ZMYM4: variants seen among roughly 807,000 people sequenced by gnomAD.
ZMYM4 encodes zinc finger MYM-type protein 4.
ZMYM4 carries 31 observed loss-of-function variants against 183.2 expected under a neutral mutation model. The ratio of observed to expected loss-of-function variants is 0.17; its 90% CI spans 0.13 to 0.23. The LOEUF (loss-of-function observed/expected upper bound fraction) is 0.23, where lower values mean the gene tolerates loss of function less well. Among genes scored for constraint, ZMYM4 ranks in the 10% least tolerant of loss-of-function variants. ZMYM4 has a pLI of 1.00. For missense variants in ZMYM4, 1,273 were observed against 1,840.3 expected (o/e 0.69, Z 5.64); for synonymous variants, 592 against 631.2 (o/e 0.94, Z 0.93).
At chr1:35,302,590 T>C (rs1014709756) in intron 1 of ZMYM4, among the ~76,000 whole-genome samples, 1 of 151,836 alleles carries the variant, frequency 6.6e-6, no homozygotes, top group Non-Finnish European at 1.5e-5. Flanking sequence ...TTTCACCATG[T>C]TAGCCAGGAT....
chr1:35,403,948 T>C (rs1644957609), intron 23 of ZMYM4, among the ~76,000 whole-genome samples: 1 of 152,136 alleles, frequency 6.6e-6, no homozygotes, highest in South Asian at 2.1e-4. Flanking sequence ...AGTTGTTTAA[T>C]TTATTGGCAT....
At position 35,359,058 on chromosome 1, in the gene ZMYM4, T is replaced by C. The variant is rs1470298607; in HGVS notation, c.219T>C (p.Phe73=). Residue 73 remains phenylalanine, a synonymous_variant, in exon 3 of 30, where the codon TTT becomes TTC. Transcript: ENST00000314607. The part of the protein sequence containing the change: ...ENSLLDEDDY[F]LNSGDLAGIP... ...CATTGCTGGATGAAGATGATTATTT[T>C]TTGAACTCTGGGGATCTTGCAGGAA... 2 of 1,613,804 alleles carry C rather than the reference T, an allele frequency of 1.2e-6. No individual in the cohort carries two copies. The highest frequency in any genetic ancestry group is 1.7e-6 in the Non-Finnish European group (2 of 1,179,746).
intron 2 of ZMYM4, among the ~76,000 whole-genome samples, chr1:35,325,848 T>G (rs1237671821): frequency 2.6e-5 from 4 of 152,128 alleles, no homozygotes; most frequent in Non-Finnish European, 4.4e-5. Flanking sequence ...TCATTACCAT[T>G]CTCCAAAGAT....
chr1:35,317,939 G>A (rs1220854876), intron 1 of ZMYM4, among the ~76,000 whole-genome samples: 1 of 152,006 alleles, frequency 6.6e-6, no homozygotes, highest in Non-Finnish European at 1.5e-5. Context: ...TGTCATAGTG[G>A]AAGTAATACT....
At chr1:35,324,322 C>CTCCTGACCT (rs1170450275) in intron 1 of ZMYM4, among the ~76,000 whole-genome samples, 1 of 151,822 alleles carries the variant, frequency 6.6e-6, no homozygotes, top group East Asian at 1.9e-4. Flanking sequence ...TGGTCTTGAT[C>CTCCTGACCT]TCCTGACCTT....
At chr1:35,348,936 A>G (rs1220488016) in intron 2 of ZMYM4, among the ~76,000 whole-genome samples, 2 of 152,170 alleles carry the variant, frequency 1.3e-5, no homozygotes, top group African/African-American at 2.4e-5. Context: ...TTCTCCCTCC[A>G]TTTTAAAGAA....
intron 26 of ZMYM4, among the ~76,000 whole-genome samples, chr1:35,412,762 CTG>C (rs1440004043): frequency 3.3e-5 from 5 of 152,004 alleles, no homozygotes; most frequent in Admixed American, 2.6e-4. Context: ...GAACAACAAA[CTG>C]TAATCTGCCA....
intron 1 of ZMYM4, among the ~76,000 whole-genome samples, chr1:35,308,706 C>A (rs775706882): frequency 6.6e-6 from 1 of 152,042 alleles, no homozygotes; most frequent in African/African-American, 2.4e-5. Context: ...ACCAAAAATA[C>A]AAAAATTAGC....
Position 35,387,173 on chromosome 1 carries a change from C to G in ZMYM4, c.2007C>G (p.Leu669=). 6.2e-7 allele frequency: 1 copy of G among 1,614,246 alleles called. No individual in the cohort carries two copies. Among genetic ancestry groups the G allele is most frequent in the Non-Finnish European group, 8.5e-7 (1 of 1,180,044 alleles). Residue 669 remains leucine (L), a synonymous_variant, in exon 12 of 30, where the codon CTC becomes CTG. Transcript: ENST00000314607. ...SSSAAAGLQR[L]AAQSQHVGFA... ...CTGCTGCAGCTGGTCTCCAGCGTCT[C>G]GCTGCCCAGTCCCAGCATGTTGGGT...
chr1:35,393,840 G>A (rs1644754901), intron 18 of ZMYM4, 101 bp downstream of exon 18: 13 of 1,353,950 alleles, frequency 9.6e-6, no homozygotes, highest in Non-Finnish European at 1.3e-5. Flanking sequence ...GATGTGTTTG[G>A]TTGTTTGTAT....
In ZMYM4 at chr1:35,269,036, C is replaced by G; in HGVS notation, c.-11C>G. 1.3e-6 allele frequency: 2 copies of G among 1,541,544 alleles called. No homozygotes were observed. Among genetic ancestry groups the G allele is most frequent in the African/African-American group, 2.8e-5 (2 of 72,204 alleles). On this transcript the variant is annotated 5_prime_UTR_variant, in exon 1 of 30. Coordinates refer to ENST00000314607, the MANE Select transcript of ZMYM4 (RefSeq NM_005095.3). Reference sequence around the variant, plus strand: ...CGCGGGGAGCCGCAGCGGTTCCGAGCGGGGCCCAACATGGCGGAGAGAGAG... The same window carrying G: ...CGCGGGGAGCCGCAGCGGTTCCGAGGGGGGCCCAACATGGCGGAGAGAGAG...
At chr1:35,354,146 CAAAAAAAGAAAGAAAGA>C (rs1643729107) in intron 2 of ZMYM4, among the ~76,000 whole-genome samples, 1 of 151,202 alleles carries the variant, frequency 6.6e-6, no homozygotes, top group East Asian at 1.9e-4. Context: ...GATTCTGTCT[CAAAAAAAGAAAGAAAGA>C]AAAAAAAGAA....
chr1:35,341,570 G>A (rs1485865938), intron 2 of ZMYM4, among the ~76,000 whole-genome samples: 2 of 150,852 alleles, frequency 1.3e-5, no homozygotes, highest in African/African-American at 2.4e-5. Context: ...GAATAGTCAG[G>A]GTGTTACTTA....
At position 35,309,062 on chromosome 1, in the gene ZMYM4, G is replaced by A. The variant is rs146940075; in HGVS notation, c.40-16298G>A. On this transcript the variant is annotated intron_variant, in intron 1 of 29. Coordinates refer to ENST00000314607, the MANE Select transcript of ZMYM4 (RefSeq NM_005095.3). ...TGAATTTGGGGAGAAATGGTGGGTG[G>A]GTTTGAGAGAGGTTCTATAGCACAG... is the stretch of plus-strand genomic sequence containing the variant. 17 of 985,256 alleles carry A rather than the reference G, an allele frequency of 1.7e-5. No individual in the cohort carries two copies. The African/African-American group carries it at 2.8e-4, about 16-fold the overall frequency. 61.0% of individuals were successfully genotyped at this position (985,256 alleles called of 1,614,324 possible).
intron 15 of ZMYM4, among the ~76,000 whole-genome samples, chr1:35,391,824 C>A (rs568227089): frequency 1.3e-5 from 2 of 151,162 alleles, no homozygotes; most frequent in African/African-American, 4.9e-5. Flanking sequence ...AGGCGGATCA[C>A]GAGGTCAGGA....
At chr1:35,292,988 C>T (rs995310216) in intron 1 of ZMYM4, among the ~76,000 whole-genome samples, 6 of 142,970 alleles carry the variant, frequency 4.2e-5, no homozygotes, top group African/African-American at 1.6e-4. Context: ...AGAATTGTGT[C>T]TGTGATACCA....
chr1:35,398,319 G>A, intron 20 of ZMYM4, 94 bp from the exon 21 acceptor site: 4 of 1,038,412 alleles, frequency 3.9e-6, no homozygotes, highest in Non-Finnish European at 5.7e-6. Flanking sequence ...TTAGAACTTT[G>A]TAGTATGATT....
chr1:35,371,177 G>A (rs908450622), intron 7 of ZMYM4, among the ~76,000 whole-genome samples: 1 of 151,726 alleles, frequency 6.6e-6, no homozygotes, highest in Non-Finnish European at 1.5e-5. Flanking sequence ...GTGCAGTGGT[G>A]TGATCTCGGC....
At chr1:35,300,924 T>C (rs909413072) in intron 1 of ZMYM4, among the ~76,000 whole-genome samples, 1 of 152,196 alleles carries the variant, frequency 6.6e-6, no homozygotes, top group Non-Finnish European at 1.5e-5. Context: ...TTCTTGCTTC[T>C]TTGCATGCTT....
Sources: allele counts gnomAD v4.1 joint callset (sites outside exome capture counted in the v4.1 genomes callset), GRCh38; gene constraint gnomAD v4.1.1; transcripts MANE v1.5; gene names NCBI Gene and HGNC (gene_info 2026-07-23, HGNC 2026-07-21).